Variants in EFR3A observed in about 807,000 individuals in gnomAD.
EFR3A encodes the protein EFR3 homolog A, also known as protein EFR3 homolog A.
A neutral mutation model predicts 104.4 loss-of-function variants in EFR3A; 76 were observed. The ratio of observed to expected loss-of-function variants is 0.73; its 90% CI spans 0.60 to 0.88. EFR3A has a LOEUF of 0.88. Among genes scored for constraint, EFR3A ranks in the 40% least tolerant of loss-of-function variants. The pLI is 0.00. For missense variants in EFR3A, 985 were observed against 1,012.5 expected (o/e 0.97, Z 0.37); for synonymous variants, 330 against 330.0 (o/e 1.00, Z 0.00).
intron 10 of EFR3A, among the ~76,000 whole-genome samples, chr8:131,971,048 A>G (rs1820027205): frequency 6.6e-6 from 1 of 152,146 alleles, no homozygotes; most frequent in South Asian, 2.1e-4. Flanking sequence ...TGCATACATC[A>G]TGGTCTATTA....
intron 12 of EFR3A, among the ~76,000 whole-genome samples, chr8:131,978,351 A>G (rs1298368594): frequency 6.6e-6 from 1 of 152,224 alleles, no homozygotes; most frequent in African/African-American, 2.4e-5. Context: ...TGTCAAATCA[A>G]GTAACTAAGT....
rs553854012 is a variant in EFR3A, at chr8:131,909,962, T to C, written c.10+5640T>C. Among the ~76,000 whole-genome samples, 19 of 152,320 alleles carry C rather than the reference T, an allele frequency of 1.2e-4. No homozygotes were observed. In the South Asian group the frequency reaches 3.7e-3, roughly 30 times the overall value. On this transcript the variant is annotated intron_variant, in intron 1 of 22. Transcript: ENST00000254624. ...CATGCAGGGTCCCCAGCCTGCTCCC[T>C]AGGCATTGCCGTCTCAGTGCAGAGG...
At chr8:131,956,264 G>C (rs899394247) in intron 7 of EFR3A, among the ~76,000 whole-genome samples, 10 of 152,098 alleles carry the variant, frequency 6.6e-5, no homozygotes, top group Admixed American at 3.9e-4. Flanking sequence ...GTTTTTCCTG[G>C]TCCCTGGCTT....
chr8:131,958,173 T>C (rs1819121053), intron 7 of EFR3A, among the ~76,000 whole-genome samples: 1 of 152,196 alleles, frequency 6.6e-6, no homozygotes, highest in Admixed American at 6.5e-5. Flanking sequence ...TTCTGCCTCT[T>C]AGGAGATAAA....
In EFR3A at chr8:132,011,300, T is replaced by G; in HGVS notation, c.*405T>G. The G allele has an allele frequency of 8.1e-6, 8 of 988,456 alleles. No homozygotes were observed. The highest frequency in any genetic ancestry group is 8.4e-6 in the Non-Finnish European group (7 of 831,686). 61.2% of individuals were successfully genotyped at this position (988,456 alleles called of 1,614,324 possible). A position where few individuals can be genotyped will look rare whatever the true frequency, so the allele number is the denominator to read the frequency against. ...CCGCTTAGATGTAGAATTTTTGTTG[T>G]TGTTTTCTGCAAAGGCAGATACATT... On this transcript the variant is annotated 3_prime_UTR_variant, in exon 23 of 23. Transcript: ENST00000254624.
intron 1 of EFR3A, among the ~76,000 whole-genome samples, chr8:131,936,348 T>C (rs1392653559): frequency 6.6e-6 from 1 of 152,112 alleles, no homozygotes; most frequent in Non-Finnish European, 1.5e-5. Context: ...GTGGGAGATT[T>C]TCCCCAAGCA....
At chr8:131,955,734 C>A in intron 6 of EFR3A, 34 bp from the exon 7 acceptor site, 3 of 1,582,892 alleles carry the variant, frequency 1.9e-6, no homozygotes, top group Non-Finnish European at 2.6e-6. Context: ...TATTAAAATT[C>A]TTGTGTTTTT....
rs537173243 is a variant in EFR3A at position 131,960,321 on chromosome 8, C to T, written c.855+658C>T. On this transcript the variant is annotated intron_variant, in intron 8 of 22. Coordinates refer to ENST00000254624, the MANE Select transcript of EFR3A (RefSeq NM_015137.6). ...TGCAGATCCTAAATCTATTATTTGT[C>T]GGATTCAAAACCCCACGTATATGGG... 5.9e-5 allele frequency among the ~76,000 whole-genome samples: 9 copies of T among 151,876 alleles called. No individual in the cohort carries two copies. The South Asian group carries it at 1.5e-3, about 25-fold the overall frequency.
chr8:131,955,964 CTTAT>C (rs1403714738), intron 7 of EFR3A, 59 bp downstream of exon 7: 7 of 1,586,052 alleles, frequency 4.4e-6, no homozygotes, highest in Non-Finnish European at 6.0e-6. Context: ...TCTGTGTTAA[CTTAT>C]TTATAGAGGA....
intron 14 of EFR3A, among the ~76,000 whole-genome samples, chr8:131,981,023 A>T (rs1381763341): frequency 2.5e-5 from 3 of 119,524 alleles, no homozygotes; most frequent in South Asian, 3.1e-4. Context: ...ATTTCATTTT[A>T]TATATATATA....
intron 1 of EFR3A, chr8:131,935,551 T>C (rs774304552): frequency 2.3e-6 from 1 of 433,806 alleles, no homozygotes; most frequent in Non-Finnish European, 4.6e-6. Flanking sequence ...ATTTCTATTA[T>C]GTTACATGTG....
rs543034920 is a variant in EFR3A, at chr8:131,950,485, G to A, written c.488+395G>A. Among the ~76,000 whole-genome samples the A allele has an allele frequency of 2.6e-5, 4 of 152,196 alleles. No individual in the cohort carries two copies. The South Asian group carries it at 8.3e-4, about 32-fold the overall frequency. On this transcript the variant is annotated intron_variant, in intron 5 of 22. Coordinates refer to ENST00000254624, the MANE Select transcript of EFR3A (RefSeq NM_015137.6). ...AATTCCCTGGATGCCCACATGGCTC[G>A]TTACCTAACTTTGTTCAGATTTCTG...
At chr8:131,998,982 A>C in intron 19 of EFR3A, among the ~76,000 whole-genome samples, 1 of 152,136 alleles carries the variant, frequency 6.6e-6, no homozygotes, top group African/African-American at 2.4e-5. Flanking sequence ...GTCTCCTGAG[A>C]TAAAATTATC....
chr8:131,944,905 T>A, intron 3 of EFR3A, 33 bp downstream of exon 3: 1 of 1,592,428 alleles, frequency 6.3e-7, no homozygotes, highest in Non-Finnish European at 8.5e-7. Context: ...AAATAGTATC[T>A]TTGGAAAATT....
chr8:131,973,930 A>G (rs1030011144), intron 10 of EFR3A, among the ~76,000 whole-genome samples: 28 of 152,214 alleles, frequency 1.8e-4, no homozygotes, highest in Admixed American at 3.9e-4. Context: ...ATTCTAAAGC[A>G]TATATTAGTT....
intron 1 of EFR3A, among the ~76,000 whole-genome samples, chr8:131,919,064 A>G (rs555531500): frequency 6.7e-6 from 1 of 150,310 alleles, no homozygotes; most frequent in South Asian, 2.1e-4. Flanking sequence ...TTGTTTAAGC[A>G]GACACTGTCC....
intron 1 of EFR3A, among the ~76,000 whole-genome samples, chr8:131,906,753 G>C (rs768695408): frequency 6.6e-6 from 1 of 152,174 alleles, no homozygotes; most frequent in African/African-American, 2.4e-5. Flanking sequence ...TTTTGTGGTC[G>C]TGTTACAAGC....
chr8:131,906,582 A>G (rs1318604969), intron 1 of EFR3A, among the ~76,000 whole-genome samples: 1 of 152,210 alleles, frequency 6.6e-6, no homozygotes, highest in Non-Finnish European at 1.5e-5. Flanking sequence ...TAATAACTAG[A>G]ATCCAGTGAA....
At chr8:132,003,378 A>G (rs1385090571) in intron 22 of EFR3A, 93 bp downstream of exon 22, 1 of 1,154,518 alleles carries the variant, frequency 8.7e-7, no homozygotes, top group Non-Finnish European at 1.3e-6. Flanking sequence ...TGTTTAAGTT[A>G]TCATGTTAAA....
Sources: allele counts gnomAD v4.1 joint callset (sites outside exome capture counted in the v4.1 genomes callset), GRCh38; gene constraint gnomAD v4.1.1; transcripts MANE v1.5; gene names NCBI Gene and HGNC (gene_info 2026-07-23, HGNC 2026-07-21).